The following KANSL1L variants were observed in gnomAD, a reference collection of about 807,000 sequenced individuals.
KANSL1L encodes the protein KAT8 regulatory NSL complex subunit 1-like protein.
A neutral mutation model predicts 108.6 loss-of-function variants in KANSL1L; 25 were observed. The ratio of observed to expected loss-of-function variants is 0.23; its 90% CI spans 0.17 to 0.32. KANSL1L has a LOEUF of 0.32. Among genes scored for constraint, KANSL1L ranks in the 10% least tolerant of loss-of-function variants. KANSL1L has a pLI of 1.00. For missense variants in KANSL1L, 1,137 were observed against 1,125.7 expected (o/e 1.01, Z -0.14); for synonymous variants, 405 against 395.1 (o/e 1.03, Z -0.30).
chr2:210,037,751 G>A (rs2094122902), intron 8 of KANSL1L, among the ~76,000 whole-genome samples: 1 of 152,102 alleles, frequency 6.6e-6, no homozygotes, highest in South Asian at 2.1e-4. Flanking sequence ...ATGTTAGTGT[G>A]AATCTCTAAC....
At chr2:210,120,420 G>A (rs1240662393) in intron 3 of KANSL1L, among the ~76,000 whole-genome samples, 1 of 152,024 alleles carries the variant, frequency 6.6e-6, no homozygotes, top group Admixed American at 6.6e-5. Flanking sequence ...TAAAAAAGTG[G>A]TGCTGGGATA....
At chr2:210,132,247 T>C (rs1019665478) in intron 2 of KANSL1L, among the ~76,000 whole-genome samples, 2 of 152,238 alleles carry the variant, frequency 1.3e-5, no homozygotes, top group Non-Finnish European at 2.9e-5. Flanking sequence ...TCAATGTTAA[T>C]GGTTTACATA....
At chr2:210,114,910 A>G (rs968491226) in intron 3 of KANSL1L, among the ~76,000 whole-genome samples, 1 of 152,072 alleles carries the variant, frequency 6.6e-6, no homozygotes. Flanking sequence ...TAATCCCCAT[A>G]GGCAACCACA....
chr2:210,091,332 AT>A (rs1216775598), intron 5 of KANSL1L, among the ~76,000 whole-genome samples: 7 of 152,060 alleles, frequency 4.6e-5, no homozygotes, highest in Admixed American at 2.0e-4. Context: ...CTATGTGACT[AT>A]TTTCTATTTA....
At chr2:210,139,702 T>C (rs1269608844) in intron 2 of KANSL1L, among the ~76,000 whole-genome samples, 1 of 151,994 alleles carries the variant, frequency 6.6e-6, no homozygotes. Context: ...ATATCTTCTT[T>C]GGAAAAAGAA....
chr2:210,141,192 CTCTTTT>C (rs2095226153), intron 2 of KANSL1L, among the ~76,000 whole-genome samples: 2 of 147,802 alleles, frequency 1.4e-5, no homozygotes, highest in African/African-American at 5.0e-5. Context: ...CTCTCCCTTT[CTCTTTT>C]TCTTTTTTCT....
At chr2:210,157,791 G>C (rs376424399) in intron 1 of KANSL1L, among the ~76,000 whole-genome samples, 1 of 149,036 alleles carries the variant, frequency 6.7e-6, no homozygotes, top group Non-Finnish European at 1.5e-5. Flanking sequence ...GAGGTGGATC[G>C]TTTGAGCCCA....
intron 11 of KANSL1L, among the ~76,000 whole-genome samples, chr2:210,027,552 C>A (rs1416004642): frequency 6.6e-6 from 1 of 152,002 alleles, no homozygotes; most frequent in African/African-American, 2.4e-5. Flanking sequence ...TATTTTTGGC[C>A]TTATGGTGAA....
chr2:210,048,264 G>C (rs1304871302), intron 6 of KANSL1L, among the ~76,000 whole-genome samples: 1 of 152,120 alleles, frequency 6.6e-6, no homozygotes, highest in Non-Finnish European at 1.5e-5. Flanking sequence ...CAGGGTAATA[G>C]TGGTTGCAGA....
At chr2:210,167,558 T>C (rs1304872854) in intron 1 of KANSL1L, among the ~76,000 whole-genome samples, 1 of 152,048 alleles carries the variant, frequency 6.6e-6, no homozygotes, top group African/African-American at 2.4e-5. Flanking sequence ...TCAGTCTATA[T>C]ACTTTAGCTT....
At chr2:210,106,642 G>A (rs1258562390) in intron 3 of KANSL1L, among the ~76,000 whole-genome samples, 5 of 151,846 alleles carry the variant, frequency 3.3e-5, no homozygotes, top group Non-Finnish European at 7.4e-5. Context: ...CATGGCACAT[G>A]CCTTTGGTCC....
Position 210,154,260 on chromosome 2 carries a change from T to G in KANSL1L, c.323A>C (p.Lys108Thr). Residue 108 changes from lysine (K) to threonine (T), a missense_variant, in exon 2 of 15, where the codon AAG becomes ACG. This residue lies in a region of KANSL1L where 556 missense variants were observed against 537.7 expected (regional missense o/e 1.03). Transcript: ENST00000281772. Reference sequence around the variant, plus strand: ...GCCATTATACAGTATGTTTTTCAGCTTATTGCAACTGGGCTCCCCTAATTT... The same window carrying G: ...GCCATTATACAGTATGTTTTTCAGCGTATTGCAACTGGGCTCCCCTAATTT... The part of the protein sequence containing the change: ...QKKLGEPSCN[K>T]LKNILYNGSN... The G allele has an allele frequency of 6.2e-7, 1 of 1,614,016 alleles. No homozygotes were observed. Among genetic ancestry groups the G allele is most frequent in the South Asian group, 1.1e-5 (1 of 91,040 alleles).
intron 6 of KANSL1L, among the ~76,000 whole-genome samples, chr2:210,060,797 G>A (rs1229501183): frequency 6.6e-6 from 1 of 152,252 alleles, no homozygotes; most frequent in Non-Finnish European, 1.5e-5. Context: ...TACCAGAGGG[G>A]TGGGAACCAC....
intron 3 of KANSL1L, among the ~76,000 whole-genome samples, chr2:210,114,462 A>G (rs2094935915): frequency 6.6e-6 from 1 of 152,198 alleles, no homozygotes; most frequent in African/African-American, 2.4e-5. Context: ...GAAAATACTT[A>G]AAGAAGTCAT....
At chr2:210,054,894 A>C (rs557606300) in intron 6 of KANSL1L, among the ~76,000 whole-genome samples, 1 of 152,286 alleles carries the variant, frequency 6.6e-6, no homozygotes, top group African/African-American at 2.4e-5. Context: ...GATACAGAAA[A>C]CCCCAAAGAA....
At chr2:210,096,586 G>C in intron 5 of KANSL1L, 1 of 985,176 alleles carries the variant, frequency 1.0e-6, no homozygotes, top group African/African-American at 1.7e-5. Flanking sequence ...TATCTAAAAT[G>C]GGATTAGCCC....
intron 6 of KANSL1L, among the ~76,000 whole-genome samples, chr2:210,054,805 A>C (rs2094332111): frequency 6.6e-6 from 1 of 152,082 alleles, no homozygotes; most frequent in South Asian, 2.1e-4. Flanking sequence ...GGGGAAAGGA[A>C]GGGAAATGGG....
At chr2:210,042,397 G>A (rs1285425717) in intron 7 of KANSL1L, among the ~76,000 whole-genome samples, 4 of 152,016 alleles carry the variant, frequency 2.6e-5, no homozygotes. Context: ...TATTAGAGGG[G>A]GCATAAGAGT....
chr2:210,124,952 T>G (rs1486246243), intron 3 of KANSL1L, among the ~76,000 whole-genome samples: 1 of 151,946 alleles, frequency 6.6e-6, no homozygotes, highest in African/African-American at 2.4e-5. Context: ...AGACTAAATC[T>G]CAAAGAAATA....
Sources: allele counts gnomAD v4.1 joint callset (sites outside exome capture counted in the v4.1 genomes callset), GRCh38; gene constraint gnomAD v4.1.1; regional missense constraint gnomAD v4.1.1; transcripts MANE v1.5; gene names NCBI Gene and HGNC (gene_info 2026-07-23, HGNC 2026-07-21).